SLC14A2: variants seen among roughly 807,000 people sequenced by gnomAD.
SLC14A2 encodes solute carrier family 14 member 2, also known as urea transporter 2.
In SLC14A2, 91 loss-of-function variants were observed where a neutral mutation model predicts 104.6. That is an observed-to-expected ratio of 0.87 (90% confidence interval 0.73 to 1.04). SLC14A2 has a LOEUF of 1.04. SLC14A2 is among the 50% of genes least tolerant of loss of function. The pLI is 0.00. For missense variants in SLC14A2, 1,189 were observed against 1,156.0 expected (o/e 1.03, Z -0.41); for synonymous variants, 476 against 466.4 (o/e 1.02, Z -0.27).
At chr18:45,606,854 T>C (rs777050537) in intron 2 of SLC14A2, among the ~76,000 whole-genome samples, 10 of 151,958 alleles carry the variant, frequency 6.6e-5, no homozygotes, top group African/African-American at 9.7e-5. Context: ...GGAGGAGGAC[T>C]GAGCAAGCCA....
At chr18:45,653,124 A>G (rs1459176622) in intron 10 of SLC14A2, among the ~76,000 whole-genome samples, 2 of 151,802 alleles carry the variant, frequency 1.3e-5, no homozygotes, top group Admixed American at 1.3e-4. Flanking sequence ...GACAAGAAAA[A>G]CGTGAAGGCT....
At chr18:45,555,717 T>C (rs1368383187) in intron 2 of SLC14A2, among the ~76,000 whole-genome samples, 2 of 152,232 alleles carry the variant, frequency 1.3e-5, no homozygotes, top group Non-Finnish European at 2.9e-5. Flanking sequence ...GGCCTCCAGC[T>C]TGAGTTTTCT....
intron 2 of SLC14A2, among the ~76,000 whole-genome samples, chr18:45,603,516 A>G (rs577216176): frequency 6.6e-6 from 1 of 152,314 alleles, no homozygotes; most frequent in Admixed American, 6.5e-5. Flanking sequence ...GAGAGTTATG[A>G]TAAATTCAGT....
intron 1 of SLC14A2, among the ~76,000 whole-genome samples, chr18:45,233,173 T>G (rs1266393306): frequency 1.3e-5 from 2 of 152,178 alleles, no homozygotes; most frequent in Non-Finnish European, 2.9e-5. Flanking sequence ...TGAGTTCCTG[T>G]TGCTGGAGAG....
chr18:45,256,337 A>T (rs1327971903), intron 1 of SLC14A2, among the ~76,000 whole-genome samples: 1 of 152,232 alleles, frequency 6.6e-6, no homozygotes, highest in Non-Finnish European at 1.5e-5. Context: ...TGGGGAAAAA[A>T]ATAAGTTGAC....
chr18:45,392,752 CTTGTT>C (rs764050392), intron 1 of SLC14A2, among the ~76,000 whole-genome samples: 5 of 152,128 alleles, frequency 3.3e-5, no homozygotes, highest in African/African-American at 4.8e-5. Flanking sequence ...TTGGAATTAA[CTTGTT>C]TTAAGAGCAC....
chr18:45,298,123 T>C (rs1406639430), intron 1 of SLC14A2, among the ~76,000 whole-genome samples: 6 of 151,298 alleles, frequency 4.0e-5, no homozygotes, highest in Non-Finnish European at 7.4e-5. Context: ...TTATTACCTT[T>C]AACTGCACAT....
intron 1 of SLC14A2, among the ~76,000 whole-genome samples, chr18:45,261,162 C>A (rs575054955): frequency 6.6e-6 from 1 of 150,910 alleles, no homozygotes; most frequent in Non-Finnish European, 1.5e-5. Context: ...ATTCCTCCCC[C>A]CTGCCCCCAC....
intron 1 of SLC14A2, among the ~76,000 whole-genome samples, chr18:45,326,346 G>A (rs1028182241): frequency 6.6e-6 from 1 of 152,004 alleles, no homozygotes; most frequent in Non-Finnish European, 1.5e-5. Flanking sequence ...TCTCTTGGTG[G>A]CACCTCCTTT....
intron 1 of SLC14A2, among the ~76,000 whole-genome samples, chr18:45,350,408 G>T (rs138172357): frequency 1.3e-5 from 2 of 152,290 alleles, no homozygotes; most frequent in Non-Finnish European, 2.9e-5. Flanking sequence ...GGGACAGCAC[G>T]TTCATCACAG....
At chr18:45,499,804 T>C (rs1007901725) in intron 2 of SLC14A2, among the ~76,000 whole-genome samples, 5 of 152,172 alleles carry the variant, frequency 3.3e-5, no homozygotes, top group African/African-American at 9.6e-5. Flanking sequence ...CATAGGTATC[T>C]TAGCTACCTC....
chr18:45,351,287 G>A (rs1459822742), intron 1 of SLC14A2, among the ~76,000 whole-genome samples: 1 of 152,046 alleles, frequency 6.6e-6, no homozygotes, highest in East Asian at 1.9e-4. Flanking sequence ...TCCTTCCTGG[G>A]TCTCCAACCC....
At chr18:45,537,490 G>A (rs753292167) in intron 2 of SLC14A2, among the ~76,000 whole-genome samples, 34 of 152,188 alleles carry the variant, frequency 2.2e-4, no homozygotes, top group Non-Finnish European at 3.5e-4. Context: ...AAGTGGCAGT[G>A]TGCTGGCAGC....
intron 2 of SLC14A2, among the ~76,000 whole-genome samples, chr18:45,498,130 T>C (rs1356507598): frequency 1.3e-5 from 2 of 152,094 alleles, no homozygotes; most frequent in Non-Finnish European, 2.9e-5. Context: ...ACTTTAAAAA[T>C]AGAAAGTGAC....
At chr18:45,322,512 A>T (rs2085195255) in intron 1 of SLC14A2, among the ~76,000 whole-genome samples, 1 of 152,248 alleles carries the variant, frequency 6.6e-6, no homozygotes, top group African/African-American at 2.4e-5. Flanking sequence ...CAAAGTGAAC[A>T]CAATCGATTT....
intron 2 of SLC14A2, among the ~76,000 whole-genome samples, chr18:45,597,843 T>TG (rs374799583): frequency 1.2e-3 from 184 of 152,220 alleles, no homozygotes; most frequent in African/African-American, 4.3e-3. Context: ...GTAAAGATGA[T>TG]GAAAAAAGTA....
chr18:45,259,760 T>C (rs1267896882), intron 1 of SLC14A2, among the ~76,000 whole-genome samples: 2 of 152,144 alleles, frequency 1.3e-5, no homozygotes, highest in Non-Finnish European at 2.9e-5. Context: ...TTTATTTCTT[T>C]AGTAATTGCC....
chr18:45,679,157 A>G, intron 19 of SLC14A2, 133 bp downstream of exon 19: 1 of 804,726 alleles, frequency 1.2e-6, no homozygotes. Flanking sequence ...AAGTCACACT[A>G]CTCACTTCAG....
intron 1 of SLC14A2, among the ~76,000 whole-genome samples, chr18:45,443,893 G>T (rs2086721946): frequency 6.6e-6 from 1 of 152,298 alleles, no homozygotes; most frequent in South Asian, 2.1e-4. Context: ...GAAAGGGAAG[G>T]AGAAAGAAGC....
Sources: gnomAD v4.1 joint callset for allele counts (sites outside exome capture counted in the v4.1 genomes callset) on GRCh38, gnomAD v4.1.1 for gene constraint, MANE v1.5 for transcripts, NCBI Gene and HGNC (gene_info 2026-07-23, HGNC 2026-07-21) for gene names.